WASHC5: variants seen among roughly 807,000 people sequenced by gnomAD.
WASHC5 encodes the protein WASH complex subunit strumpellin.
WASHC5 carries 101 observed loss-of-function variants against 150.4 expected under a neutral mutation model. The observed-to-expected ratio is 0.67, with a 90% confidence interval of 0.57 to 0.79. WASHC5 has a LOEUF of 0.79. Among genes scored for constraint, WASHC5 ranks in the 30% least tolerant of loss-of-function variants. The pLI is 0.00. For missense variants in WASHC5, 1,195 were observed against 1,396.3 expected, an observed-to-expected ratio of 0.86 and a Z score of 2.30; for synonymous variants, 467 against 491.2, an observed-to-expected ratio of 0.95 and a Z score of 0.65.
intron 12 of WASHC5, among the ~76,000 whole-genome samples, chr8:125,059,825 T>C (rs535542787): frequency 1.8e-4 from 27 of 152,242 alleles, no homozygotes; most frequent in Non-Finnish European, 3.2e-4. Flanking sequence ...AAAACAATGA[T>C]TCTACAATGT....
chr8:125,049,403 AT>A (rs1260351781), intron 18 of WASHC5, among the ~76,000 whole-genome samples: 1 of 151,330 alleles, frequency 6.6e-6, no homozygotes, highest in Admixed American at 6.6e-5. Context: ...TACTAAAAAA[AT>A]ATAAAAAGTA....
Position 125,073,312 on chromosome 8 carries a change from CA to C in WASHC5, c.990del (p.Tyr330Ter). On this transcript the variant is annotated frameshift_variant, in exon 9 of 29. Coordinates refer to ENST00000318410, the MANE Select transcript of WASHC5 (RefSeq NM_014846.4). LOFTEE classifies it high-confidence loss of function. ...LSNVREQASR[Y>X]ATVSERVHAQ... ...GCATGCACTCTTTCACTGACAGTAG[CA>C]TATCTGCTTGCCTTGACAAATAAGA... The C allele has an allele frequency of 6.2e-7, 1 of 1,613,722 alleles. No individual in the cohort carries two copies. The highest frequency in any genetic ancestry group is 8.5e-7 in the Non-Finnish European group (1 of 1,179,676).
At chr8:125,060,253 G>A (rs1013555484) in intron 12 of WASHC5, among the ~76,000 whole-genome samples, 1 of 152,150 alleles carries the variant, frequency 6.6e-6, no homozygotes, top group Non-Finnish European at 1.5e-5. Context: ...CTGAGAGCCC[G>A]AGGCAGGTGG....
chr8:125,044,585 A>G lies in WASHC5; in HGVS notation c.2618T>C (p.Leu873Pro). ...EIQTTLGTFGLNGLDRLLCFM... is the reference protein window; with the variant it reads ...EIQTTLGTFGPNGLDRLLCFM... ...GCACAGAAGCCTGTCTAAGCCATTT[A>G]GACCAAAGGTTCCCAAGGTGGTCTG... The change falls in exon 21 of 29, where the codon CTA becomes CCA. Residue 873 changes from leucine (L) to proline (P), a missense_variant. Physicochemically the swap from Leu to Pro is moderately conservative, Grantham distance 98. Around this residue, in one of 3 missense-constraint regions of WASHC5, gnomAD observed 997 missense variants for 1,168.1 expected, o/e 0.85. Coordinates refer to ENST00000318410, the MANE Select transcript of WASHC5 (RefSeq NM_014846.4). The G allele has an allele frequency of 1.2e-6, 2 of 1,614,172 alleles. No individual in the cohort carries two copies. The highest frequency in any genetic ancestry group is 1.7e-6 in the Non-Finnish European group (2 of 1,179,982).
At chr8:125,034,566 G>A (rs1815642879) in intron 26 of WASHC5, among the ~76,000 whole-genome samples, 1 of 152,076 alleles carries the variant, frequency 6.6e-6, no homozygotes, top group African/African-American at 2.4e-5. Context: ...GCGAGGATGT[G>A]GACTACACAT....
chr8:125,024,688 A>T lies in WASHC5; in HGVS notation c.3424-15T>A. On this transcript the variant is annotated splice_polypyrimidine_tract_variant and intron_variant, in intron 28 of 28. Transcript: ENST00000318410. ...GCTTCAGCAACCTGAAAAATTAAAG[A>T]ATTAAATTATTCATGGTGTTATAGT... 1.3e-6 allele frequency: 2 copies of T among 1,563,712 alleles called. No individual in the cohort carries two copies. The highest frequency in any genetic ancestry group is 1.8e-6 in the Non-Finnish European group (2 of 1,134,314).
In WASHC5 at chr8:125,037,775, T is replaced by C. The variant is rs150267815; in HGVS notation, c.3085-442A>G. 1.7e-3 allele frequency among the ~76,000 whole-genome samples: 251 copies of C among 152,090 alleles called. 1 individual carries two copies. Among genetic ancestry groups the C allele is most frequent in the African/African-American group, 5.9e-3 (243 of 41,508 alleles). ...GGAGAGTGAAGGGAAAAGATCCATGTAGCAGCGAGTGGTGGTATCTAAGTA... is the reference window on the plus strand; with the variant it reads ...GGAGAGTGAAGGGAAAAGATCCATGCAGCAGCGAGTGGTGGTATCTAAGTA... On this transcript the variant is annotated intron_variant, in intron 25 of 28. Coordinates refer to ENST00000318410, the MANE Select transcript of WASHC5 (RefSeq NM_014846.4).
intron 1 of WASHC5, among the ~76,000 whole-genome samples, chr8:125,084,408 T>C (rs1817358883): frequency 6.6e-6 from 1 of 152,234 alleles, no homozygotes; most frequent in Non-Finnish European, 1.5e-5. Flanking sequence ...GACAAATCCC[T>C]GTACATCATT....
In WASHC5 at chr8:125,059,413, C is replaced by A. The variant is rs374338104; in HGVS notation, c.1651G>T (p.Val551Phe). 6.2e-7 allele frequency: 1 copy of A among 1,614,150 alleles called. No individual in the cohort carries two copies. Among genetic ancestry groups the A allele is most frequent in the East Asian group, 2.2e-5 (1 of 44,884 alleles). Residue 551 changes from valine to phenylalanine, a missense_variant, in exon 13 of 29, where the codon GTT (valine) becomes TTT (phenylalanine). Coordinates refer to ENST00000318410, the MANE Select transcript of WASHC5 (RefSeq NM_014846.4). Reference protein sequence around the residue: ...KEEVLITMQIVGDLSFAWQLI... With the variant: ...KEEVLITMQIFGDLSFAWQLI... Reference sequence around the variant, plus strand: ...TGCCAAGCGAAAGAAAGGTCCCCAACGATCTGCATTGTGATCAGAACCTCC... The same window carrying A: ...TGCCAAGCGAAAGAAAGGTCCCCAAAGATCTGCATTGTGATCAGAACCTCC...
intron 20 of WASHC5, chr8:125,044,992 T>C: frequency 2.4e-6 from 1 of 419,440 alleles, no homozygotes; most frequent in South Asian, 2.3e-5. Flanking sequence ...AAGACAAGGT[T>C]AGGTTCAGCT....
Position 125,083,860 on chromosome 8 carries a change from T to G in WASHC5, c.39A>C (p.Gln13His), listed in dbSNP as rs549678165. ...DFLAENNLCG[Q>H]AILRIVSCGN... is the part of the protein sequence containing the mutation. ...CACAGGAAACAATCCTTAGGATTGC[T>G]TGGCCACAGAGGTTGTTCTCGGCTA... is the stretch of plus-strand genomic sequence containing the variant. The change falls in exon 2 of 29, where the codon CAA becomes CAC. Residue 13 changes from glutamine (Q) to histidine (H), a missense_variant. Coordinates refer to ENST00000318410, the MANE Select transcript of WASHC5 (RefSeq NM_014846.4). 6.2e-7 allele frequency: 1 copy of G among 1,614,072 alleles called. No individual in the cohort carries two copies. The highest frequency in any genetic ancestry group is 2.2e-5 in the East Asian group (1 of 44,876).
At chr8:125,043,054 T>C (rs191704976) in intron 23 of WASHC5, among the ~76,000 whole-genome samples, 1 of 152,332 alleles carries the variant, frequency 6.6e-6, no homozygotes, top group African/African-American at 2.4e-5. Context: ...CACAAACCAG[T>C]TTTCTACCAG....
rs141479591 is a variant in WASHC5 at position 125,048,340 on chromosome 8, G to A, written c.2379+666C>T. Among the ~76,000 whole-genome samples the A allele has an allele frequency of 2.4e-3, 369 of 152,170 alleles. 1 individual carries two copies. Among genetic ancestry groups the A allele is most frequent in the African/African-American group, 8.6e-3 (356 of 41,526 alleles). On this transcript the variant is annotated intron_variant, in intron 19 of 28. Transcript: ENST00000318410. Reference sequence around the variant, plus strand: ...ACTAAAATCAAACTTCTCAATTTTGGCACTTATGCATTTGGTATTCTTTTT... The same window carrying A: ...ACTAAAATCAAACTTCTCAATTTTGACACTTATGCATTTGGTATTCTTTTT...
At chr8:125,050,532 A>G in intron 18 of WASHC5, 32 bp downstream of exon 18, 1 of 1,497,590 alleles carries the variant, frequency 6.7e-7, no homozygotes, top group South Asian at 1.1e-5. Flanking sequence ...CTGGGCGGAG[A>G]AGAGGACAGG....
chr8:125,034,918 A>G (rs1232854063), intron 26 of WASHC5, among the ~76,000 whole-genome samples: 2 of 152,248 alleles, frequency 1.3e-5, no homozygotes, highest in Admixed American at 6.5e-5. Context: ...CAAGCCAGGT[A>G]TGCATTTCAT....
chr8:125,032,204 C>G (rs1815560664), intron 27 of WASHC5, 37 bp downstream of exon 27: 1 of 1,611,958 alleles, frequency 6.2e-7, no homozygotes, highest in East Asian at 2.2e-5. Context: ...GGTTTTGTGA[C>G]AAGAAGTCCC....
intron 23 of WASHC5, chr8:125,040,557 CATGGGAGGGACCCA>C (rs1331499389): frequency 9.7e-5 from 15 of 154,164 alleles, no homozygotes; most frequent in African/African-American, 3.4e-4. Flanking sequence ...CCCCATGTGT[CATGGGAGGGACCCA>C]GTGGGAGGTA....
At chr8:125,063,143 T>C (rs556894149) in intron 11 of WASHC5, among the ~76,000 whole-genome samples, 7 of 152,070 alleles carry the variant, frequency 4.6e-5, no homozygotes, top group Non-Finnish European at 8.8e-5. Context: ...ATGAGAATTA[T>C]AGATCCTTTC....
At chr8:125,027,775 A>G (rs1815415330) in intron 28 of WASHC5, among the ~76,000 whole-genome samples, 4 of 152,242 alleles carry the variant, frequency 2.6e-5, no homozygotes, top group Admixed American at 2.6e-4. Context: ...GAAAAATAGA[A>G]TAAAAAAGGA....
Sources: allele counts gnomAD v4.1 joint callset (sites outside exome capture counted in the v4.1 genomes callset), GRCh38; gene constraint gnomAD v4.1.1; regional missense constraint gnomAD v4.1.1; transcripts MANE v1.5; gene names NCBI Gene and HGNC (gene_info 2026-07-23, HGNC 2026-07-21).